Variants in NDST4 observed in about 807,000 individuals in gnomAD.
The protein encoded by NDST4 is N-heparan sulfate sulfotransferase 4.
Under a neutral mutation model 100.8 loss-of-function variants are expected in NDST4, and 63 were observed. That is an observed-to-expected ratio of 0.62 (90% CI 0.51 to 0.77). NDST4 has a LOEUF of 0.77. Among genes scored for constraint, NDST4 ranks in the 30% least tolerant of loss-of-function variants. The pLI is 0.00. For missense variants in NDST4, 943 were observed against 1,018.4 expected (o/e 0.93, Z 1.01); for synonymous variants, 377 against 361.8 (o/e 1.04, Z -0.48).
intron 3 of NDST4, among the ~76,000 whole-genome samples, chr4:114,976,980 G>T (rs1382568001): frequency 6.6e-6 from 1 of 151,770 alleles, no homozygotes; most frequent in Non-Finnish European, 1.5e-5. Flanking sequence ...AGTTGAAAAA[G>T]TCAATTCTCT....
At chr4:115,082,776 G>T (rs1729328758) in intron 1 of NDST4, among the ~76,000 whole-genome samples, 1 of 131,136 alleles carries the variant, frequency 7.6e-6, no homozygotes, top group Non-Finnish European at 1.8e-5. Context: ...GGATTCTACA[G>T]TTGCACTGTA....
chr4:115,084,247 A>G (rs770865712), intron 1 of NDST4, among the ~76,000 whole-genome samples: 8 of 152,218 alleles, frequency 5.3e-5, no homozygotes, highest in South Asian at 2.1e-4. Context: ...AGAGCTGTGG[A>G]ACTTTGAACT....
chr4:114,853,460 C>T (rs1468835140), intron 7 of NDST4, among the ~76,000 whole-genome samples: 1 of 152,112 alleles, frequency 6.6e-6, no homozygotes, highest in African/African-American at 2.4e-5. Context: ...ATATTATGCC[C>T]ATCTAACCTA....
In NDST4 at chr4:114,883,770, G is replaced by A. The variant is rs532032660; in HGVS notation, c.1537-12820C>T. 9.9e-5 allele frequency among the ~76,000 whole-genome samples: 15 copies of A among 152,190 alleles called. No homozygotes were observed. In the East Asian group the frequency reaches 2.5e-3, roughly 25 times the overall value. ...GCTAGAGTAGGGGGAAGTAGGGAAT[G>A]GTTTCGGATGAATCTGTTTCACCGT... On this transcript the variant is annotated intron_variant, in intron 6 of 13. Transcript: ENST00000264363.
At chr4:115,025,230 C>T (rs563338801) in intron 2 of NDST4, among the ~76,000 whole-genome samples, 12 of 148,142 alleles carry the variant, frequency 8.1e-5, no homozygotes, top group African/African-American at 3.2e-4. Flanking sequence ...TGGGCAACAG[C>T]CTCAACAGCC....
intron 6 of NDST4, among the ~76,000 whole-genome samples, chr4:114,903,398 G>C (rs190130440): frequency 2.0e-5 from 3 of 152,176 alleles, no homozygotes; most frequent in African/African-American, 7.2e-5. Context: ...AGTTACAGAA[G>C]TGTGGGGGGC....
At chr4:114,996,650 C>G (rs538937945) in intron 2 of NDST4, among the ~76,000 whole-genome samples, 7 of 151,992 alleles carry the variant, frequency 4.6e-5, no homozygotes, top group Non-Finnish European at 8.8e-5. Context: ...AGAGAATGGT[C>G]AGCCAAAAAT....
chr4:114,994,373 G>T (rs1028339817), intron 2 of NDST4, among the ~76,000 whole-genome samples: 1 of 151,856 alleles, frequency 6.6e-6, no homozygotes, highest in Non-Finnish European at 1.5e-5. Flanking sequence ...ATACATACAC[G>T]CTTGGAATAT....
At chr4:115,026,449 A>G (rs1683136617) in intron 2 of NDST4, among the ~76,000 whole-genome samples, 1 of 151,790 alleles carries the variant, frequency 6.6e-6, no homozygotes, top group African/African-American at 2.4e-5. Flanking sequence ...ACACACACAC[A>G]CACACATATA....
In NDST4 at chr4:115,058,978, G is replaced by A. The variant is rs546198539; in HGVS notation, c.978+17081C>T. Among the ~76,000 whole-genome samples the A allele has an allele frequency of 9.9e-5, 13 of 131,442 alleles. 1 individual carries two copies. The East Asian group carries it at 3.5e-3, about 36-fold the overall frequency. 86.2% of individuals were successfully genotyped at this position (131,442 alleles called of 152,430 possible). A position where few individuals can be genotyped will look rare whatever the true frequency, so the allele number is the denominator to read the frequency against. On this transcript the variant is annotated intron_variant, in intron 2 of 13. Transcript: ENST00000264363. Reference sequence around the variant, plus strand: ...CTGAAACTGTGGAAAGAGTTCTGAAGCTACACACACACACACACACACACA... The same window carrying A: ...CTGAAACTGTGGAAAGAGTTCTGAAACTACACACACACACACACACACACA...
intron 6 of NDST4, among the ~76,000 whole-genome samples, chr4:114,928,099 A>G (rs2126221897): frequency 6.6e-6 from 1 of 152,328 alleles, no homozygotes; most frequent in South Asian, 2.1e-4. Flanking sequence ...ATATTATTTC[A>G]TATCAATAAT....
At chr4:115,042,646 T>C (rs1334476156) in intron 2 of NDST4, among the ~76,000 whole-genome samples, 1 of 152,084 alleles carries the variant, frequency 6.6e-6, no homozygotes, top group Non-Finnish European at 1.5e-5. Context: ...AAGTGTAGTA[T>C]ATATAGAGAG....
chr4:114,949,780 C>A (rs569360580), intron 4 of NDST4, among the ~76,000 whole-genome samples: 1 of 152,124 alleles, frequency 6.6e-6, no homozygotes, highest in South Asian at 2.1e-4. Context: ...GAAATTTATT[C>A]TTTTAACTGG....
intron 4 of NDST4, among the ~76,000 whole-genome samples, chr4:114,969,782 T>C (rs1327914199): frequency 6.6e-6 from 1 of 152,214 alleles, no homozygotes; most frequent in Non-Finnish European, 1.5e-5. Context: ...TGAACATGTG[T>C]GTGCGTCTTT....
intron 10 of NDST4, among the ~76,000 whole-genome samples, chr4:114,843,974 A>G (rs1018883422): frequency 5.0e-5 from 3 of 60,180 alleles, no homozygotes; most frequent in African/African-American, 1.9e-4. Flanking sequence ...TTTAGTCCCC[A>G]CCTCCCACCC....
At chr4:114,867,522 G>A (rs1724052035) in intron 7 of NDST4, among the ~76,000 whole-genome samples, 2 of 151,812 alleles carry the variant, frequency 1.3e-5, no homozygotes, top group Admixed American at 6.6e-5. Flanking sequence ...GAGTGACTGA[G>A]TGAAGACTGG....
At chr4:114,870,091 G>A (rs1196090861) in intron 7 of NDST4, among the ~76,000 whole-genome samples, 1 of 152,048 alleles carries the variant, frequency 6.6e-6, no homozygotes, top group African/African-American at 2.4e-5. Flanking sequence ...TGCATAAAGA[G>A]GCAAGAAAAT....
intron 2 of NDST4, among the ~76,000 whole-genome samples, chr4:115,061,387 T>C (rs113107829): frequency 2.0e-5 from 3 of 152,082 alleles, no homozygotes; most frequent in Non-Finnish European, 4.4e-5. Flanking sequence ...TGCCCATCAG[T>C]GATAGGCTGG....
At chr4:114,861,239 G>A (rs1723911652) in intron 7 of NDST4, among the ~76,000 whole-genome samples, 1 of 152,138 alleles carries the variant, frequency 6.6e-6, no homozygotes, top group Non-Finnish European at 1.5e-5. Context: ...GTCATTAAGA[G>A]CATGAACTCA....
Sources: gnomAD v4.1 joint callset for allele counts (sites outside exome capture counted in the v4.1 genomes callset) on GRCh38, gnomAD v4.1.1 for gene constraint, MANE v1.5 for transcripts, NCBI Gene and HGNC (gene_info 2026-07-23, HGNC 2026-07-21) for gene names.